Variants in OXGR1 observed in about 807,000 individuals in gnomAD.
OXGR1 encodes the protein 2-oxoglutarate receptor 1.
In OXGR1, 10 loss-of-function variants were observed where a neutral mutation model predicts 10.0. The observed-to-expected ratio is 1.00, with a 90% CI of 0.62 to 1.70. OXGR1 has a LOEUF of 1.70. Among genes scored for constraint, OXGR1 ranks in the 40% most tolerant of loss-of-function variants. The pLI is 0.00. For synonymous variants in OXGR1, 191 were observed against 155.9 expected (o/e 1.22, Z -1.68); for missense variants, 398 against 407.6 (o/e 0.98, Z 0.20).
At position 96,986,943 on chromosome 13, in the gene OXGR1, T is replaced by C. The variant is rs746424413; in HGVS notation, c.817A>G (p.Ser273Gly). 5.6e-6 allele frequency: 9 copies of C among 1,614,172 alleles called. No individual in the cohort carries two copies. Among genetic ancestry groups the C allele is most frequent in the Non-Finnish European group, 6.8e-6 (8 of 1,180,024 alleles). ...TGGATCTGATTCTCAATGGAACAAC[T>C]GATTGAAAGCAGGCGAGATTCGATC... ...IRIESRLLSISCSIENQIHEA... is the reference protein window; with the variant it reads ...IRIESRLLSIGCSIENQIHEA... Residue 273 changes from serine (S) to glycine (G), a missense_variant, in exon 4 of 4, where the codon AGT becomes GGT. Transcript: ENST00000541038.
chr13:96,989,914 G>A (rs932123423), intron 2 of OXGR1, 105 bp from the exon 3 acceptor site: 16 of 152,152 alleles, frequency 1.1e-4, no homozygotes, highest in African/African-American at 3.9e-4. Context: ...TATCTGCAGT[G>A]CATTGGTTCC....
At chr13:96,988,196 CACTT>C (rs1214550296) in intron 3 of OXGR1, among the ~76,000 whole-genome samples, 1 of 152,176 alleles carries the variant, frequency 6.6e-6, no homozygotes, top group Non-Finnish European at 1.5e-5. Context: ...ATGCCACCAT[CACTT>C]ACTTCTACAT....
intron 2 of OXGR1, among the ~76,000 whole-genome samples, chr13:96,990,035 G>T (rs1343869916): frequency 6.6e-6 from 1 of 152,100 alleles, no homozygotes; most frequent in East Asian, 1.9e-4. Flanking sequence ...ATCATCTCTA[G>T]ATTACTTATA....
At position 96,987,656 on chromosome 13, in the gene OXGR1, T is replaced by C. The variant is rs746849309; in HGVS notation, c.104A>G (p.Tyr35Cys). 3.1e-6 allele frequency: 5 copies of C among 1,613,946 alleles called. No individual in the cohort carries two copies. The Admixed American group carries it at 6.7e-5, about 22-fold the overall frequency. The change falls in exon 4 of 4, where the codon TAC becomes TGC. Residue 35 changes from tyrosine to cysteine, a missense_variant. By Grantham distance (194) the Tyr-to-Cys change is radical. Transcript: ENST00000541038. ...GATAATGCCATAAATAACAGGGAGGTAGTGCATCTTGAGTGGGATGTTTTC... is the reference window on the plus strand; with the variant it reads ...GATAATGCCATAAATAACAGGGAGGCAGTGCATCTTGAGTGGGATGTTTTC... ...TDENIPLKMH[Y>C]LPVIYGIIFL...
intron 3 of OXGR1, among the ~76,000 whole-genome samples, chr13:96,989,137 G>A (rs1881929269): frequency 6.6e-6 from 1 of 152,316 alleles, no homozygotes; most frequent in Non-Finnish European, 1.5e-5. Context: ...TTACGTGATT[G>A]TTAGTTGCTA....
chr13:96,986,655 G>A lies in OXGR1; in HGVS notation c.*91C>T. 2 of 1,334,910 alleles carry A rather than the reference G, an allele frequency of 1.5e-6. No individual in the cohort carries two copies. Among genetic ancestry groups the A allele is most frequent in the Admixed American group, 4.4e-5 (2 of 45,106 alleles). 82.7% of individuals were successfully genotyped at this position (1,334,910 alleles called of 1,614,324 possible). On this transcript the variant is annotated 3_prime_UTR_variant, in exon 4 of 4. Coordinates refer to ENST00000541038, the MANE Select transcript of OXGR1 (RefSeq NM_001346194.2). ...TTACTTGAATACACAGTATTTACCAGGAGTTCCATTGAGGGAGACATCCTG... is the reference window on the plus strand; with the variant it reads ...TTACTTGAATACACAGTATTTACCAAGAGTTCCATTGAGGGAGACATCCTG...
At position 96,987,377 on chromosome 13, in the gene OXGR1, C is replaced by T; in HGVS notation, c.383G>A (p.Ser128Asn). The change falls in exon 4 of 4, where the codon AGC (serine) becomes AAC (asparagine). Residue 128 changes from serine (S) to asparagine (N), a missense_variant. By Grantham distance (46) the Ser-to-Asn change is conservative. Coordinates refer to ENST00000541038, the MANE Select transcript of OXGR1 (RefSeq NM_001346194.2). Reference sequence around the variant, plus strand: ...AATGATCACACAGTAGCGGAAGATGCTGAAACAGGTGAGGAAGAGGATGCT... The same window carrying T: ...AATGATCACACAGTAGCGGAAGATGTTGAAACAGGTGAGGAAGAGGATGCT... ...YSSILFLTCF[S>N]IFRYCVIIHP... is the part of the protein sequence containing the mutation. 1 of 1,614,130 alleles carries T rather than the reference C, an allele frequency of 6.2e-7. No homozygotes were observed. The highest frequency in any genetic ancestry group is 1.3e-5 in the African/African-American group (1 of 75,002).
At chr13:96,990,176 C>T (rs117270276) in intron 2 of OXGR1, among the ~76,000 whole-genome samples, 2,024 of 152,226 alleles carry the variant, frequency 0.013, 19 homozygotes, top group Middle Eastern at 0.041. Context: ...CAGTGGATGG[C>T]TTCTCCCTTG....
intron 3 of OXGR1, 39 bp from the exon 4 acceptor site, chr13:96,987,872 T>G: frequency 1.5e-6 from 2 of 1,376,590 alleles, no homozygotes; most frequent in Non-Finnish European, 1.9e-6. Flanking sequence ...GATAGGGTAA[T>G]AAAAACAAGG....
intron 3 of OXGR1, among the ~76,000 whole-genome samples, chr13:96,988,226 A>G (rs1355067742): frequency 6.6e-6 from 1 of 152,148 alleles, no homozygotes; most frequent in African/African-American, 2.4e-5. Flanking sequence ...AAAATACTGA[A>G]AAGTGTTTCT....
At chr13:96,991,606 G>T (rs1882061633) in intron 2 of OXGR1, among the ~76,000 whole-genome samples, 1 of 152,182 alleles carries the variant, frequency 6.6e-6, no homozygotes, top group Non-Finnish European at 1.5e-5. Context: ...AGCATCAAAG[G>T]TTGGAATAAA....
In OXGR1 at chr13:96,987,385, G is replaced by C. The variant is rs1352555152; in HGVS notation, c.375C>G (p.Thr125=). Reference sequence around the variant, plus strand: ...CACAGTAGCGGAAGATGCTGAAACAGGTGAGGAAGAGGATGCTGCTATACA... The same window carrying C: ...CACAGTAGCGGAAGATGCTGAAACACGTGAGGAAGAGGATGCTGCTATACA... The part of the protein sequence containing the change: ...FNLYSSILFL[T]CFSIFRYCVI... Residue 125 remains threonine (T), a synonymous_variant, in exon 4 of 4, where the codon ACC becomes ACG. Transcript: ENST00000541038. 1 of 1,614,200 alleles carries C rather than the reference G, an allele frequency of 6.2e-7. No homozygotes were observed. Among genetic ancestry groups the C allele is most frequent in the South Asian group, 1.1e-5 (1 of 91,086 alleles).
At chr13:96,989,696 A>G (rs1188982862) in intron 3 of OXGR1, 62 bp downstream of exon 3, 1 of 152,250 alleles carries the variant, frequency 6.6e-6, no homozygotes, top group Non-Finnish European at 1.5e-5. Flanking sequence ...TGCATCTCAC[A>G]ATGAGTAGGC....
intron 1 of OXGR1, among the ~76,000 whole-genome samples, chr13:96,993,993 G>C (rs575511160): frequency 1.3e-5 from 2 of 152,238 alleles, no homozygotes; most frequent in South Asian, 4.2e-4. Context: ...GTGAAAAAAA[G>C]TGTGAGATGA....
intron 2 of OXGR1, among the ~76,000 whole-genome samples, chr13:96,991,245 G>A (rs1013035009): frequency 2.2e-4 from 33 of 152,154 alleles, no homozygotes; most frequent in African/African-American, 6.3e-4. Context: ...TACAAAATAC[G>A]TGTGATGTTA....
Position 96,987,275 on chromosome 13 carries a change from A to G in OXGR1, c.485T>C (p.Leu162Pro), listed in dbSNP as rs781368856. The G allele has an allele frequency of 6.2e-7, 1 of 1,614,122 alleles. No individual in the cohort carries two copies. Among genetic ancestry groups the G allele is most frequent in the African/African-American group, 1.3e-5 (1 of 74,932 alleles). ...GAAGGTCATCGGAATGACAGCTACC[A>G]GTGAAATGATCCACACCACAGCACA... ...VACAVVWIISLVAVIPMTFLI... is the reference protein window; with the variant it reads ...VACAVVWIISPVAVIPMTFLI... Residue 162 changes from leucine to proline, a missense_variant, in exon 4 of 4, where the codon CTG becomes CCG. Physicochemically the swap from Leu to Pro is moderately conservative, Grantham distance 98. Coordinates refer to ENST00000541038, the MANE Select transcript of OXGR1 (RefSeq NM_001346194.2).
At chr13:96,989,986 T>C (rs1362625592) in intron 2 of OXGR1, among the ~76,000 whole-genome samples, 177 bp from the exon 3 acceptor site, 1 of 152,072 alleles carries the variant, frequency 6.6e-6, no homozygotes, top group Non-Finnish European at 1.5e-5. Flanking sequence ...AATAAAATGG[T>C]ATGGTATTTA....
In OXGR1 at chr13:96,987,824, C is replaced by T; in HGVS notation, c.-65G>A. ...AGTTTGGCAATATGAATCAAATGAG[C>T]AGTAACTCGCTGATAAAGGAAAACA... is the stretch of plus-strand genomic sequence containing the variant. On this transcript the variant is annotated 5_prime_UTR_variant, in exon 4 of 4. Coordinates refer to ENST00000541038, the MANE Select transcript of OXGR1 (RefSeq NM_001346194.2). The T allele has an allele frequency of 6.7e-7, 1 of 1,501,682 alleles. No homozygotes were observed. The highest frequency in any genetic ancestry group is 8.9e-7 in the Non-Finnish European group (1 of 1,126,078). The allele number at this position is 1,501,682 out of a possible 1,614,324, so 93.0% of individuals were successfully genotyped here.
In OXGR1 at chr13:96,987,157, A is replaced by T; in HGVS notation, c.603T>A (p.Ile201=). ...GGAGGCAGAAAGTAGTTGCAGTCAA[A>T]ATCAGGTTGTACCACTTAATAGTAT... ...ELNTIKWYNL[I]LTATTFCLPL... Residue 201 remains isoleucine, a synonymous_variant, in exon 4 of 4, where the codon ATT becomes ATA. Coordinates refer to ENST00000541038, the MANE Select transcript of OXGR1 (RefSeq NM_001346194.2). 6.2e-7 allele frequency: 1 copy of T among 1,614,146 alleles called. No individual in the cohort carries two copies. Among genetic ancestry groups the T allele is most frequent in the South Asian group, 1.1e-5 (1 of 91,084 alleles).
Sources: allele counts gnomAD v4.1 joint callset (sites outside exome capture counted in the v4.1 genomes callset), GRCh38; gene constraint gnomAD v4.1.1; transcripts MANE v1.5; gene names NCBI Gene and HGNC (gene_info 2026-07-23, HGNC 2026-07-21).